Variants in COL11A1 observed in about 807,000 individuals in gnomAD.
The protein encoded by COL11A1 is collagen type XI alpha 1 chain, also known as collagen alpha-1(XI) chain.
In COL11A1, 74 loss-of-function variants were observed where a neutral mutation model predicts 265.2. The observed-to-expected ratio is 0.28, with a 90% CI of 0.23 to 0.34. COL11A1 has a LOEUF of 0.34. COL11A1 is among the 10% of genes least tolerant of loss of function. The pLI is 1.00. For missense variants in COL11A1, 2,165 were observed against 2,263.6 expected, an observed-to-expected ratio of 0.96 and a Z score of 0.88; for synonymous variants, 816 against 727.6, an observed-to-expected ratio of 1.12 and a Z score of -1.96.
At chr1:102,964,496 A>G (rs1018785214) in intron 38 of COL11A1, among the ~76,000 whole-genome samples, 3 of 152,282 alleles carry the variant, frequency 2.0e-5, no homozygotes, top group South Asian at 4.1e-4. Context: ...AACCTCTGAA[A>G]TAAAATAATC....
rs775092434 is a variant in COL11A1 at position 102,877,763 on chromosome 1, A to G, written c.*256T>C. 5.7e-5 allele frequency: 23 copies of G among 403,194 alleles called. No individual in the cohort carries two copies. Among genetic ancestry groups the G allele is most frequent in the Non-Finnish European group, 1.0e-4 (23 of 221,092 alleles). 25.0% of individuals were successfully genotyped at this position (403,194 alleles called of 1,614,324 possible). A position where few individuals can be genotyped will look rare whatever the true frequency, so the allele number is the denominator to read the frequency against. ...CAGCACCAAAGAAATTCAAATAGGAAAAGGAGAGTTGAGAATTGGGAATCA... is the reference window on the plus strand; with the variant it reads ...CAGCACCAAAGAAATTCAAATAGGAGAAGGAGAGTTGAGAATTGGGAATCA... On this transcript the variant is annotated 3_prime_UTR_variant, in exon 67 of 67. Transcript: ENST00000370096.
chr1:103,070,892 G>T (rs1191527184), intron 4 of COL11A1, among the ~76,000 whole-genome samples: 1 of 151,744 alleles, frequency 6.6e-6, no homozygotes. Context: ...AAGATATATG[G>T]ACACCATAAA....
intron 31 of COL11A1, among the ~76,000 whole-genome samples, chr1:102,979,894 G>A (rs2101686888): frequency 6.6e-6 from 1 of 152,244 alleles, no homozygotes; most frequent in South Asian, 2.1e-4. Context: ...TTTGAGTTGA[G>A]TATTTTTACA....
At chr1:102,998,595 A>T (rs1664845684) in intron 24 of COL11A1, among the ~76,000 whole-genome samples, 1 of 151,874 alleles carries the variant, frequency 6.6e-6, no homozygotes, top group Non-Finnish European at 1.5e-5. Context: ...TTATAATCTT[A>T]GATAGGTCTT....
At chr1:102,934,626 G>C (rs1288424963) in intron 45 of COL11A1, 70 bp from the exon 46 acceptor site, 12 of 1,241,130 alleles carry the variant, frequency 9.7e-6, no homozygotes, top group Non-Finnish European at 1.4e-5. Context: ...TAAAAAATGT[G>C]GCCATTTCTA....
intron 63 of COL11A1, 151 bp from the exon 64 acceptor site, chr1:102,883,462 T>C: frequency 1.5e-6 from 1 of 652,314 alleles, no homozygotes; most frequent in South Asian, 1.8e-5. Context: ...TGGGGTACGG[T>C]TTTTAATAAA....
At chr1:102,920,502 AT>A in intron 48 of COL11A1, 138 bp from the exon 49 acceptor site, 1 of 718,000 alleles carries the variant, frequency 1.4e-6, no homozygotes, top group Non-Finnish European at 2.4e-6. Context: ...AGACTAAATG[AT>A]GCTTAATAGA....
At chr1:103,071,371 C>G (rs1571212447) in intron 4 of COL11A1, among the ~76,000 whole-genome samples, 1 of 146,418 alleles carries the variant, frequency 6.8e-6, no homozygotes, top group Non-Finnish European at 1.5e-5. Context: ...ACAATAAATA[C>G]AAGCAATACA....
intron 7 of COL11A1, 59 bp from the exon 8 acceptor site, chr1:103,023,055 G>A: frequency 6.4e-7 from 1 of 1,565,338 alleles, no homozygotes; most frequent in Non-Finnish European, 8.7e-7. Flanking sequence ...GTAAAGCAAG[G>A]TAAGCATTTA....
chr1:103,011,351 C>T (rs1385360774), intron 14 of COL11A1, among the ~76,000 whole-genome samples: 2 of 151,984 alleles, frequency 1.3e-5, no homozygotes, highest in Admixed American at 6.6e-5. Flanking sequence ...ACATGATAAA[C>T]ATTTAATAAT....
intron 31 of COL11A1, among the ~76,000 whole-genome samples, chr1:102,981,445 A>G (rs1270171900): frequency 6.6e-6 from 1 of 152,094 alleles, no homozygotes; most frequent in East Asian, 1.9e-4. Context: ...AGGTAACAGC[A>G]TATTTATAGA....
At chr1:102,987,450 T>A (rs2101737106) in intron 30 of COL11A1, among the ~76,000 whole-genome samples, 183 bp downstream of exon 30, 1 of 152,188 alleles carries the variant, frequency 6.6e-6, no homozygotes, top group South Asian at 2.1e-4. Context: ...GAGGCAAATT[T>A]TAATGTTGCC....
chr1:103,085,942 A>G (rs4908290), intron 1 of COL11A1, among the ~76,000 whole-genome samples: 83,426 of 151,984 alleles, frequency 0.55, 25,770 homozygotes, highest in East Asian at 0.98. Flanking sequence ...ATTGAGATTT[A>G]AGAACCAGAG....
intron 47 of COL11A1, among the ~76,000 whole-genome samples, chr1:102,921,957 G>C (rs1040095512): frequency 5.3e-5 from 8 of 152,172 alleles, no homozygotes; most frequent in African/African-American, 1.7e-4. Flanking sequence ...TAACTCAATA[G>C]AAGTATTTTT....
chr1:102,913,822 C>T, intron 52 of COL11A1, 132 bp from the exon 53 acceptor site: 2 of 848,594 alleles, frequency 2.4e-6, no homozygotes, highest in Non-Finnish European at 3.9e-6. Context: ...TCATTATATT[C>T]TTTTAACCTT....
At chr1:102,935,314 A>C (rs1387051380) in intron 44 of COL11A1, among the ~76,000 whole-genome samples, 1 of 152,218 alleles carries the variant, frequency 6.6e-6, no homozygotes, top group East Asian at 1.9e-4. Flanking sequence ...ATTTGAAATC[A>C]ATTTTAAGTT....
intron 4 of COL11A1, 79 bp downstream of exon 4, chr1:103,074,539 A>G: frequency 6.6e-7 from 1 of 1,523,116 alleles, no homozygotes; most frequent in Non-Finnish European, 9.0e-7. Context: ...ACGTATTGCT[A>G]TAAAGCGATA....
At chr1:103,084,562 C>T (rs1335849424) in intron 1 of COL11A1, among the ~76,000 whole-genome samples, 1 of 141,340 alleles carries the variant, frequency 7.1e-6, no homozygotes. Context: ...GATCAACCTT[C>T]AAAACAGTAC....
intron 49 of COL11A1, among the ~76,000 whole-genome samples, chr1:102,920,021 G>A (rs1220549197): frequency 2.6e-5 from 4 of 151,834 alleles, no homozygotes. Context: ...AATCCTCTAG[G>A]GCTCAGCTTT....
Sources: gnomAD v4.1 joint callset for allele counts (sites outside exome capture counted in the v4.1 genomes callset) on GRCh38, gnomAD v4.1.1 for gene constraint, MANE v1.5 for transcripts, NCBI Gene and HGNC (gene_info 2026-07-23, HGNC 2026-07-21) for gene names.